The following PCDHGB1 variants were observed in gnomAD, a reference collection of about 807,000 sequenced individuals.
PCDHGB1 encodes the protein protocadherin gamma-B1.
In PCDHGB1, 34 loss-of-function variants were observed where a neutral mutation model predicts 56.6. The observed-to-expected ratio is 0.60, with a 90% CI of 0.46 to 0.80. The LOEUF is 0.80. Ranked by LOEUF, PCDHGB1 falls within the 30% of genes least tolerant of loss-of-function variation. PCDHGB1 has a pLI of 0.00. For synonymous variants in PCDHGB1, 561 were observed against 505.9 expected, an observed-to-expected ratio of 1.11 and a Z score of -1.46; for missense variants, 1,278 against 1,204.6, an observed-to-expected ratio of 1.06 and a Z score of -0.90.
chr5:141,478,617 G>A (rs1010415342), intron 1 of PCDHGB1: 1 of 1,556,398 alleles, frequency 6.4e-7, no homozygotes, highest in Non-Finnish European at 8.7e-7. Context: ...AGGAAGGAAT[G>A]GAGCTGTTTT....
intron 1 of PCDHGB1, chr5:141,370,925 C>T (rs1292549749): frequency 1.9e-6 from 3 of 1,614,008 alleles, no homozygotes; most frequent in Non-Finnish European, 2.5e-6. Context: ...CTGATCCGCA[C>T]TTCTCTTTGA....
intron 1 of PCDHGB1, chr5:141,403,617 G>C: frequency 6.2e-7 from 1 of 1,613,856 alleles, no homozygotes; most frequent in Non-Finnish European, 8.5e-7. Flanking sequence ...GAGCCGCGTC[G>C]CTCCAGCACA....
At chr5:141,366,023 C>T (rs762756042) in intron 1 of PCDHGB1, 4 of 1,614,122 alleles carry the variant, frequency 2.5e-6, no homozygotes, top group Non-Finnish European at 1.7e-6. Flanking sequence ...GATCCTGTAC[C>T]CCGCCCTCCC....
At chr5:141,384,653 G>T in intron 1 of PCDHGB1, 1 of 1,614,222 alleles carries the variant, frequency 6.2e-7, no homozygotes, top group Non-Finnish European at 8.5e-7. Context: ...GCAGAGCCCG[G>T]CTACCTGGTG....
At chr5:141,371,773 A>G (rs148367405) in intron 1 of PCDHGB1, 2 of 1,614,020 alleles carry the variant, frequency 1.2e-6, no homozygotes, top group African/African-American at 1.3e-5. Flanking sequence ...TACACCGTGC[A>G]TGTAGCTGAG....
At chr5:141,470,112 G>T (rs1186184232) in intron 1 of PCDHGB1, among the ~76,000 whole-genome samples, 1 of 152,104 alleles carries the variant, frequency 6.6e-6, no homozygotes, top group Non-Finnish European at 1.5e-5. Flanking sequence ...CTGAGCAACA[G>T]AGCAAGACTT....
chr5:141,399,300 C>T (rs985419238), intron 1 of PCDHGB1: 3 of 1,613,792 alleles, frequency 1.9e-6, no homozygotes, highest in Non-Finnish European at 2.5e-6. Flanking sequence ...TTAAGATTAT[C>T]TCTTCATCCA....
At chr5:141,475,828 C>T (rs1319658902) in intron 1 of PCDHGB1, 1 of 387,614 alleles carries the variant, frequency 2.6e-6, no homozygotes, top group Admixed American at 4.3e-5. Context: ...GGCGCTAGCG[C>T]GTGTCCTGCT....
rs754835805 is a variant in PCDHGB1 at position 141,415,008 on chromosome 5, T to C, written c.2409+62339T>C. ...GCCAGAACGCCTGGCTGTCCTACCGTCTGCTCAAGGCCAGCGAGCCGGGAC... is the reference window on the plus strand; with the variant it reads ...GCCAGAACGCCTGGCTGTCCTACCGCCTGCTCAAGGCCAGCGAGCCGGGAC... On this transcript the variant is annotated intron_variant, in intron 1 of 3. Transcript: ENST00000523390. 3.1e-6 allele frequency: 5 copies of C among 1,613,636 alleles called. No individual in the cohort carries two copies. The South Asian group carries it at 3.3e-5, about 11-fold the overall frequency.
At chr5:141,455,583 A>G (rs1485134189) in intron 1 of PCDHGB1, among the ~76,000 whole-genome samples, 4 of 152,144 alleles carry the variant, frequency 2.6e-5, no homozygotes, top group Non-Finnish European at 2.9e-5. Context: ...CCAGCCTTTT[A>G]ATATGCAAAC....
rs771356119 is a variant in PCDHGB1 at position 141,385,251 on chromosome 5, C to G, written c.2409+32582C>G. Reference sequence around the variant, plus strand: ...TAGACATGCTCATCAGCCAGGAGAGCTGTGAGAAAAATGATTCTTTGCTAA... The same window carrying G: ...TAGACATGCTCATCAGCCAGGAGAGGTGTGAGAAAAATGATTCTTTGCTAA... On this transcript the variant is annotated intron_variant, in intron 1 of 3. Coordinates refer to ENST00000523390, the MANE Select transcript of PCDHGB1 (RefSeq NM_018922.3). The G allele has an allele frequency of 1.2e-5, 19 of 1,613,660 alleles. No individual in the cohort carries two copies. The Admixed American group carries it at 1.8e-4, about 16-fold the overall frequency.
chr5:141,371,950 C>T (rs749822569), intron 1 of PCDHGB1: 2 of 1,613,286 alleles, frequency 1.2e-6, no homozygotes, highest in Non-Finnish European at 1.7e-6. Context: ...GCGCAGCGAG[C>T]CTTCGACCAC....
chr5:141,505,320 C>G, intron 2 of PCDHGB1, 73 bp from the exon 3 acceptor site: 2 of 1,605,358 alleles, frequency 1.2e-6, no homozygotes, highest in Non-Finnish European at 1.7e-6. Context: ...TTTGGGAGCC[C>G]TGGGAGAGGA....
intron 1 of PCDHGB1, chr5:141,392,967 C>A (rs1442170331): frequency 1.2e-6 from 2 of 1,613,766 alleles, no homozygotes; most frequent in African/African-American, 2.7e-5. Context: ...CTCCAAGGAC[C>A]TGGGGCTGGA....
intron 1 of PCDHGB1, chr5:141,383,331 G>T: frequency 1.2e-6 from 2 of 1,613,992 alleles, no homozygotes; most frequent in Non-Finnish European, 1.7e-6. Context: ...AAATAATGGA[G>T]AATACAGCTC....
chr5:141,381,826 C>CTTTTTTTTTTTTTTTTTTTTTTTTTTTTT (rs770630741), intron 1 of PCDHGB1, among the ~76,000 whole-genome samples: 16 of 74,292 alleles, frequency 2.2e-4, no homozygotes, highest in Admixed American at 5.8e-4. Context: ...CTTTCTTCTT[C>CTTTTTTTTTTTTTTTTTTTTTTTTTTTTT]TTTTTTTTTT....
At chr5:141,394,552 G>C (rs368792885) in intron 1 of PCDHGB1, 1 of 1,614,070 alleles carries the variant, frequency 6.2e-7, no homozygotes, top group Non-Finnish European at 8.5e-7. Flanking sequence ...CTGGCGCCCC[G>C]CTCCGCAGAG....
At position 141,402,911 on chromosome 5, in the gene PCDHGB1, C is replaced by CT. The variant is rs2094320554; in HGVS notation, c.2409+50242_2409+50243insT. 6 of 1,551,858 alleles carry CT rather than the reference C, an allele frequency of 3.9e-6. No homozygotes were observed. In the African/African-American group the frequency reaches 8.2e-5, roughly 21 times the overall value. ...GAAGAAAGAACCTGATGAAGCAGCG[C>CT]GCACAGAGATCCTTTTGAGAAAATT... On this transcript the variant is annotated intron_variant, in intron 1 of 3. Coordinates refer to ENST00000523390, the MANE Select transcript of PCDHGB1 (RefSeq NM_018922.3).
At chr5:141,436,471 A>G (rs1249793994) in intron 1 of PCDHGB1, among the ~76,000 whole-genome samples, 1 of 152,204 alleles carries the variant, frequency 6.6e-6, no homozygotes, top group Non-Finnish European at 1.5e-5. Flanking sequence ...TTTCAGATGT[A>G]TCATAGAAGG....
Sources: gnomAD v4.1 joint callset for allele counts (sites outside exome capture counted in the v4.1 genomes callset) on GRCh38, gnomAD v4.1.1 for gene constraint, MANE v1.5 for transcripts, NCBI Gene and HGNC (gene_info 2026-07-23, HGNC 2026-07-21) for gene names.